The following RPH3A variants were observed in gnomAD, a reference collection of about 807,000 sequenced individuals.
The protein encoded by RPH3A is rabphilin-3A.
In RPH3A, 48 loss-of-function variants were observed where a neutral mutation model predicts 102.2. That is an observed-to-expected ratio of 0.47 (90% CI 0.37 to 0.60). RPH3A has a LOEUF of 0.60. Ranked by LOEUF, RPH3A falls within the 20% of genes least tolerant of loss-of-function variation. The pLI, the probability that RPH3A is intolerant of heterozygous loss-of-function variation, is 0.00. For missense variants in RPH3A, 781 were observed against 910.1 expected (o/e 0.86, Z 1.83); for synonymous variants, 310 against 324.3 (o/e 0.96, Z 0.47).
intron 1 of RPH3A, among the ~76,000 whole-genome samples, chr12:112,712,288 A>T (rs2040468170): frequency 6.6e-6 from 1 of 152,160 alleles, no homozygotes; most frequent in African/African-American, 2.4e-5. Flanking sequence ...CATAAGTAAG[A>T]TTTATTAGAA....
intron 2 of RPH3A, among the ~76,000 whole-genome samples, chr12:112,808,922 A>G (rs910909476): frequency 2.0e-5 from 3 of 152,182 alleles, no homozygotes; most frequent in Non-Finnish European, 4.4e-5. Flanking sequence ...CTGGCTGTGC[A>G]TTATAAACAC....
At chr12:112,835,518 T>A (rs2042035168) in intron 3 of RPH3A, among the ~76,000 whole-genome samples, 1 of 152,182 alleles carries the variant, frequency 6.6e-6, no homozygotes, top group South Asian at 2.1e-4. Flanking sequence ...CCATGAAACA[T>A]CTTGGCATTC....
chr12:112,802,927 G>T (rs1243917731), intron 2 of RPH3A, among the ~76,000 whole-genome samples: 1 of 152,188 alleles, frequency 6.6e-6, no homozygotes, highest in Non-Finnish European at 1.5e-5. Flanking sequence ...AAGCAGAAAG[G>T]CTCATTTTGT....
intron 4 of RPH3A, among the ~76,000 whole-genome samples, chr12:112,846,335 G>A (rs2042227870): frequency 6.6e-6 from 1 of 152,202 alleles, no homozygotes; most frequent in African/African-American, 2.4e-5. Context: ...GCTCATCCCA[G>A]AGGCATCCCA....
At chr12:112,845,440 C>A (rs762521934) in intron 4 of RPH3A, among the ~76,000 whole-genome samples, 5 of 152,188 alleles carry the variant, frequency 3.3e-5, no homozygotes, top group Non-Finnish European at 7.3e-5. Flanking sequence ...CTTGCTTCTG[C>A]AAACTTTCCT....
At chr12:112,607,907 C>T (rs967596442) in intron 1 of RPH3A, among the ~76,000 whole-genome samples, 3 of 152,098 alleles carry the variant, frequency 2.0e-5, no homozygotes, top group African/African-American at 7.2e-5. Flanking sequence ...AGTCACTTTC[C>T]CGCTCTAAAA....
rs200472051 is a variant in RPH3A, at chr12:112,865,472, C to A, written c.289C>A (p.Arg97Ser). ...RKNVAGDGVN[R>S]CILCGEQLGM... is the part of the protein sequence containing the mutation. ...GAACGTGGCTGGAGATGGGGTGAAC[C>A]GCTGCATACTGTGTGGAGAACAGCT... Residue 97 changes from arginine to serine, a missense_variant, in exon 6 of 22, where the codon CGC (arginine) becomes AGC (serine). This residue lies in a region of RPH3A where 730 missense variants were observed against 810.0 expected (regional missense o/e 0.90). Coordinates refer to ENST00000389385, the MANE Select transcript of RPH3A (RefSeq NM_001143854.2). 2.9e-5 allele frequency: 46 copies of A among 1,613,976 alleles called. No homozygotes were observed. In the Middle Eastern group the frequency reaches 9.9e-4, roughly 35 times the overall value.
intron 19 of RPH3A, among the ~76,000 whole-genome samples, chr12:112,891,566 G>C (rs757584667): frequency 6.6e-5 from 10 of 152,190 alleles, no homozygotes. Flanking sequence ...AGTCTGCAGG[G>C]AGTCAGGGGA....
Position 112,783,692 on chromosome 12 carries a change from C to T in RPH3A, c.-139-8451C>T, listed in dbSNP as rs192926126. On this transcript the variant is annotated intron_variant, in intron 1 of 21. Coordinates refer to the RPH3A transcript ENST00000543106. ...TGTTGTACATATTATTATTAGTATC[C>T]TCATTTTACAGACAATGAGGCTAAG... 5.5e-4 allele frequency among the ~76,000 whole-genome samples: 84 copies of T among 152,174 alleles called. 1 individual carries two copies. The highest frequency in any genetic ancestry group is 3.7e-3 in the Admixed American group (56 of 15,288).
chr12:112,576,716 A>C (rs1160139714), intron 1 of RPH3A, among the ~76,000 whole-genome samples: 1 of 152,078 alleles, frequency 6.6e-6, no homozygotes, highest in Non-Finnish European at 1.5e-5. Flanking sequence ...TGGTGGAGAG[A>C]AGAATTTTGG....
intron 1 of RPH3A, among the ~76,000 whole-genome samples, chr12:112,701,670 A>T (rs1370660889): frequency 6.6e-6 from 1 of 152,222 alleles, no homozygotes; most frequent in Non-Finnish European, 1.5e-5. Flanking sequence ...GTTTAGCTCA[A>T]TGAGTTCTAA....
intron 16 of RPH3A, 90 bp from the exon 17 acceptor site, chr12:112,887,707 C>G: frequency 1.5e-6 from 2 of 1,369,820 alleles, no homozygotes; most frequent in South Asian, 1.3e-5. Flanking sequence ...ATTACACATT[C>G]CTTACCAGTA....
chr12:112,891,042 G>C (rs775764593), intron 19 of RPH3A, 39 bp downstream of exon 19: 1 of 1,609,310 alleles, frequency 6.2e-7, no homozygotes, highest in African/African-American at 1.3e-5. Flanking sequence ...GGCCCTGAAG[G>C]AGTCCTGGAG....
rs576092129 is a variant in RPH3A at position 112,869,783 on chromosome 12, C to T, written c.635C>T (p.Pro212Leu). Residue 212 changes from proline (P) to leucine (L), a missense_variant, in exon 9 of 22, where the codon CCG (proline) becomes CTG (leucine). Physicochemically the swap from Pro to Leu is moderately conservative, Grantham distance 98 (BLOSUM62 -3). Transcript: ENST00000389385. The part of the protein sequence containing the change: ...ARGDSEDRRG[P>L]GQKTGPDPAS... ...GGTGACAGTGAAGATAGGAGGGGCCCGGGTCAGAAGACAGGTGGGTTCTGC... is the reference window on the plus strand; with the variant it reads ...GGTGACAGTGAAGATAGGAGGGGCCTGGGTCAGAAGACAGGTGGGTTCTGC... The T allele has an allele frequency of 1.6e-4, 253 of 1,614,088 alleles. 1 individual carries two copies. The highest frequency in any genetic ancestry group is 2.5e-4 in the East Asian group (11 of 44,882).
chr12:112,769,333 C>T (rs956341683), intron 1 of RPH3A, among the ~76,000 whole-genome samples: 13 of 152,154 alleles, frequency 8.5e-5, no homozygotes, highest in African/African-American at 3.1e-4. Context: ...TGAAGTTGCT[C>T]TAGAAAATAG....
At chr12:112,756,239 G>A (rs1444496014) in intron 1 of RPH3A, among the ~76,000 whole-genome samples, 2 of 151,568 alleles carry the variant, frequency 1.3e-5, no homozygotes, top group Non-Finnish European at 2.9e-5. Flanking sequence ...TTGAGATGGA[G>A]TTTCACTCTT....
chr12:112,869,440 A>G (rs2042667024), intron 8 of RPH3A: 1 of 276,920 alleles, frequency 3.6e-6, no homozygotes, highest in African/African-American at 2.2e-5. Context: ...AATTGCCAAC[A>G]TATATTGCAT....
intron 1 of RPH3A, among the ~76,000 whole-genome samples, chr12:112,654,810 GA>G (rs2039998580): frequency 1.3e-5 from 2 of 152,160 alleles, no homozygotes; most frequent in Admixed American, 1.3e-4. Context: ...TTAGTTCAAG[GA>G]GGTGGTGTTC....
intron 1 of RPH3A, among the ~76,000 whole-genome samples, chr12:112,637,347 T>G (rs1301995372): frequency 6.6e-6 from 1 of 152,190 alleles, no homozygotes; most frequent in Non-Finnish European, 1.5e-5. Context: ...TGTGAGTACC[T>G]ATCACCCAGC....
Sources: gnomAD v4.1 joint callset for allele counts (sites outside exome capture counted in the v4.1 genomes callset) on GRCh38, gnomAD v4.1.1 for gene constraint, gnomAD v4.1.1 regional missense constraint, MANE v1.5 for transcripts, NCBI Gene and HGNC (gene_info 2026-07-23, HGNC 2026-07-21) for gene names.